DLGAP4: variants seen among roughly 807,000 people sequenced by gnomAD.
DLGAP4 encodes disks large-associated protein 4.
DLGAP4 carries 18 observed loss-of-function variants against 86.9 expected under a neutral mutation model. The ratio of observed to expected loss-of-function variants is 0.21; its 90% CI spans 0.14 to 0.31. The LOEUF (loss-of-function observed/expected upper bound fraction) is 0.31, where lower values mean the gene tolerates loss of function less well. Ranked by LOEUF, DLGAP4 falls within the 10% of genes least tolerant of loss-of-function variation. DLGAP4 has a pLI of 1.00. For synonymous variants in DLGAP4, 548 were observed against 574.3 expected (o/e 0.95, Z 0.65); for missense variants, 1,085 against 1,362.6 (o/e 0.80, Z 3.21).
At chr20:36,320,248 C>T (rs2147344161) in intron 1 of DLGAP4, among the ~76,000 whole-genome samples, 1 of 148,682 alleles carries the variant, frequency 6.7e-6, no homozygotes, top group African/African-American at 2.5e-5. Context: ...GTCTCCCTCT[C>T]CCAGGCCTCC....
intron 1 of DLGAP4, among the ~76,000 whole-genome samples, chr20:36,352,136 G>A (rs1889632325): frequency 1.3e-5 from 2 of 152,132 alleles, no homozygotes; most frequent in Admixed American, 1.3e-4. Context: ...CAAGTGCAAA[G>A]GGCCTGGGGT....
chr20:36,317,746 G>A (rs962050874), intron 1 of DLGAP4, among the ~76,000 whole-genome samples: 9 of 151,866 alleles, frequency 5.9e-5, no homozygotes, highest in South Asian at 4.2e-4. Flanking sequence ...GTGAGCCACC[G>A]AGCCCAGCAC....
At chr20:36,462,224 C>A in intron 7 of DLGAP4, 1 of 1,169,252 alleles carries the variant, frequency 8.6e-7, no homozygotes, top group Non-Finnish European at 1.1e-6. Flanking sequence ...GTCCTCAGCT[C>A]CCTGACTTCA....
intron 1 of DLGAP4, among the ~76,000 whole-genome samples, chr20:36,335,354 T>C (rs79341630): frequency 0.021 from 3,139 of 152,296 alleles, 128 homozygotes; most frequent in African/African-American, 0.072. Context: ...CTTTGCTGCT[T>C]ACTGGCTGCA....
At chr20:36,468,691 C>G (rs1418114267) in intron 7 of DLGAP4, among the ~76,000 whole-genome samples, 3 of 152,254 alleles carry the variant, frequency 2.0e-5, no homozygotes, top group African/African-American at 7.2e-5. Context: ...GGCAGATACT[C>G]TGAGCCCAGT....
rs183882353 is a variant in DLGAP4, at chr20:36,525,660, C to A, written c.2605-191C>A. ...AGCCCTTAGACTATCCCCCAAAGAT[C>A]CCCACCACTAGGGCTGGTGCTGACC... On this transcript the variant is annotated intron_variant, in intron 11 of 12. Coordinates refer to ENST00000339266, the MANE Select transcript of DLGAP4 (RefSeq NM_001365621.2). The A allele has an allele frequency of 5.3e-3, 3,709 of 695,016 alleles. 30 individuals are homozygous for A. The highest frequency in any genetic ancestry group is 0.012 in the South Asian group (619 of 52,686). The allele number at this position is 695,016 out of a possible 1,614,324, so 43.1% of individuals were successfully genotyped here. A position where few individuals can be genotyped will look rare whatever the true frequency, so the allele number is the denominator to read the frequency against.
intron 2 of DLGAP4, among the ~76,000 whole-genome samples, chr20:36,370,735 A>G (rs1353415344): frequency 6.6e-6 from 1 of 152,218 alleles, no homozygotes. Context: ...TGGGAGGATC[A>G]CTTGAGCCCA....
Position 36,432,233 on chromosome 20 carries a change from T to C in DLGAP4, c.516T>C (p.Gly172=), listed in dbSNP as rs779702465. Reference sequence around the variant, plus strand: ...TCGGTGGCAATGGCAGCAAGAAGGGTGGCATGGAGGACGGCAAGGGCCGGA... The same window carrying C: ...TCGGTGGCAATGGCAGCAAGAAGGGCGGCATGGAGGACGGCAAGGGCCGGA... The part of the protein sequence containing the change: ...GKVGGNGSKK[G]GMEDGKGRRA... Residue 172 remains glycine, a synonymous_variant, in exon 3 of 13, where the codon GGT becomes GGC. Coordinates refer to ENST00000339266, the MANE Select transcript of DLGAP4 (RefSeq NM_001365621.2). This position sits in a 1 kb window ranked among gnomAD's most constrained non-coding sequence, Gnocchi z 6.5. 56 of 1,613,346 alleles carry C rather than the reference T, an allele frequency of 3.5e-5. No individual in the cohort carries two copies. The highest frequency in any genetic ancestry group is 4.5e-5 in the Non-Finnish European group (53 of 1,179,872).
Position 36,410,012 on chromosome 20 carries a change from C to T in DLGAP4, c.-72-21634C>T, listed in dbSNP as rs1419184452. On this transcript the variant is annotated intron_variant, in intron 2 of 12. Coordinates refer to ENST00000339266, the MANE Select transcript of DLGAP4 (RefSeq NM_001365621.2). Reference sequence around the variant, plus strand: ...TCACGCCACTGCACTCCAGCCTGGGCGACAGAGTTAGACTCCGTCTCAAAA... The same window carrying T: ...TCACGCCACTGCACTCCAGCCTGGGTGACAGAGTTAGACTCCGTCTCAAAA... 5.5e-5 allele frequency among the ~76,000 whole-genome samples: 8 copies of T among 146,738 alleles called. No individual in the cohort carries two copies. The East Asian group carries it at 1.4e-3, about 26-fold the overall frequency.
At chr20:36,353,570 A>T (rs1555893605) in intron 1 of DLGAP4, among the ~76,000 whole-genome samples, 1 of 152,220 alleles carries the variant, frequency 6.6e-6, no homozygotes, top group Non-Finnish European at 1.5e-5. Flanking sequence ...TTACAAACTC[A>T]GCACATGCAG....
At chr20:36,434,164 G>A (rs951499455) in intron 3 of DLGAP4, among the ~76,000 whole-genome samples, 1 of 151,222 alleles carries the variant, frequency 6.6e-6, no homozygotes, top group Admixed American at 6.6e-5. Context: ...GGCTGGTCTC[G>A]AATTCCTGAC....
intron 1 of DLGAP4, among the ~76,000 whole-genome samples, chr20:36,338,400 A>T (rs2065343791): frequency 6.6e-6 from 1 of 151,262 alleles, no homozygotes. Flanking sequence ...TGTCTCTACT[A>T]AAAAAAAACA....
chr20:36,388,982 C>G (rs2031697254), intron 2 of DLGAP4, among the ~76,000 whole-genome samples: 1 of 152,136 alleles, frequency 6.6e-6, no homozygotes, highest in Non-Finnish European at 1.5e-5. Context: ...GTGGGGATGA[C>G]AAAGAGGAGT....
Position 36,517,240 on chromosome 20 carries a change from G to A in DLGAP4, c.2513-7010G>A, listed in dbSNP as rs1020811433. Among the ~76,000 whole-genome samples, 6 of 151,838 alleles carry A rather than the reference G, an allele frequency of 4.0e-5. 1 individual carries two copies. Among genetic ancestry groups the A allele is most frequent in the South Asian group, 4.2e-4 (2 of 4,810 alleles). Reference sequence around the variant, plus strand: ...CTTAAAATATAAAAATCAGCCAGGCGTGGTGCGGGCGCCTGTAATCCCAGC... The same window carrying A: ...CTTAAAATATAAAAATCAGCCAGGCATGGTGCGGGCGCCTGTAATCCCAGC... On this transcript the variant is annotated intron_variant, in intron 10 of 12. Coordinates refer to ENST00000339266, the MANE Select transcript of DLGAP4 (RefSeq NM_001365621.2).
At chr20:36,380,846 C>T (rs1445867952) in intron 2 of DLGAP4, among the ~76,000 whole-genome samples, 5 of 152,190 alleles carry the variant, frequency 3.3e-5, no homozygotes, top group Non-Finnish European at 5.9e-5. Flanking sequence ...CTGCATGCTT[C>T]GCGAGTTTCC....
At chr20:36,376,962 A>T (rs1319576025) in intron 2 of DLGAP4, among the ~76,000 whole-genome samples, 1 of 152,180 alleles carries the variant, frequency 6.6e-6, no homozygotes, top group Non-Finnish European at 1.5e-5. Flanking sequence ...ACCACGGTCC[A>T]GGGGCAGAGG....
rs552180435 is a variant in DLGAP4 at position 36,409,820 on chromosome 20, T to C, written c.-72-21826T>C. 6.5e-3 allele frequency among the ~76,000 whole-genome samples: 981 copies of C among 151,478 alleles called. 11 individuals are homozygous for C. The highest frequency in any genetic ancestry group is 0.023 in the African/African-American group (935 of 41,300). ...AGGCCAAGGTGGGCGGATCACGAGG[T>C]CAGGAGATCGAGACCATCCTGGCTA... On this transcript the variant is annotated intron_variant, in intron 2 of 12. Transcript: ENST00000339266.
intron 1 of DLGAP4, among the ~76,000 whole-genome samples, chr20:36,338,297 C>A (rs530049293): frequency 6.6e-6 from 1 of 152,306 alleles, no homozygotes; most frequent in South Asian, 2.1e-4. Context: ...CCCATTGGCT[C>A]ACGCCTGTAA....
intron 7 of DLGAP4, among the ~76,000 whole-genome samples, chr20:36,486,893 T>C (rs114698058): frequency 1.1e-4 from 16 of 148,662 alleles, no homozygotes; most frequent in African/African-American, 4.0e-4. Context: ...ATAACAGGTG[T>C]GAGCCACCTC....
Sources: allele counts gnomAD v4.1 joint callset (sites outside exome capture counted in the v4.1 genomes callset), GRCh38; gene constraint gnomAD v4.1.1; non-coding constraint Gnocchi (gnomAD v3.1); transcripts MANE v1.5; gene names NCBI Gene and HGNC (gene_info 2026-07-23, HGNC 2026-07-21).